Variants in SMIM35 observed in about 807,000 individuals in gnomAD.
The protein encoded by SMIM35 is small integral membrane protein 35.
At chr11:118,048,023 C>T (rs754358755) in intron 1 of SMIM35, among the ~76,000 whole-genome samples, 3 of 152,192 alleles carry the variant, frequency 2.0e-5, no homozygotes, top group Non-Finnish European at 4.4e-5. Flanking sequence ...CCCATCACTG[C>T]CCCCAGAGTG....
intron 1 of SMIM35, among the ~76,000 whole-genome samples, chr11:118,084,344 T>C (rs370590378): frequency 1.3e-5 from 2 of 152,198 alleles, no homozygotes; most frequent in African/African-American, 4.8e-5. Context: ...CATGAAGCAC[T>C]CGACGAGTTA....
intron 1 of SMIM35, among the ~76,000 whole-genome samples, chr11:118,051,216 T>C (rs1944207792): frequency 6.6e-6 from 1 of 152,230 alleles, no homozygotes; most frequent in East Asian, 1.9e-4. Context: ...TGTATTGTTC[T>C]CTGTGGATTT....
At chr11:118,020,142 G>T (rs4630330) in intron 1 of SMIM35, among the ~76,000 whole-genome samples, 14,573 of 152,040 alleles carry the variant, frequency 0.096, 963 homozygotes, top group East Asian at 0.37. Context: ...AGCGGGCAAA[G>T]GTAATCCCAG....
At chr11:118,060,195 A>G (rs1944374566) in intron 1 of SMIM35, among the ~76,000 whole-genome samples, 2 of 152,058 alleles carry the variant, frequency 1.3e-5, no homozygotes, top group South Asian at 4.1e-4. Context: ...TCCCCCACCC[A>G]TGTGGCCTGC....
chr11:118,066,369 C>T (rs1013327326), intron 1 of SMIM35, among the ~76,000 whole-genome samples: 4 of 152,048 alleles, frequency 2.6e-5, no homozygotes, highest in Admixed American at 2.6e-4. Context: ...GCATGAGTTC[C>T]CTACTATTCT....
At chr11:118,011,880 T>G (rs568021368) in intron 4 of SMIM35, among the ~76,000 whole-genome samples, 2 of 152,162 alleles carry the variant, frequency 1.3e-5, no homozygotes, top group African/African-American at 4.8e-5. Context: ...CACTCCCACT[T>G]ACTCAGGGGC....
chr11:118,067,698 G>T (rs1944499412), intron 1 of SMIM35, among the ~76,000 whole-genome samples: 1 of 151,172 alleles, frequency 6.6e-6, no homozygotes, highest in Admixed American at 6.6e-5. Flanking sequence ...AGCCAGGTGT[G>T]GTGGTGCGCC....
At chr11:118,047,202 C>A (rs1289203601) in intron 1 of SMIM35, among the ~76,000 whole-genome samples, 1 of 152,112 alleles carries the variant, frequency 6.6e-6, no homozygotes, top group Non-Finnish European at 1.5e-5. Flanking sequence ...TGTGCATCTG[C>A]GAGGGTCTAA....
chr11:118,027,171 G>A lies in SMIM35; in HGVS notation c.8-11362C>T, dbSNP rs1045901393. On this transcript the variant is annotated intron_variant, in intron 1 of 4. Transcript: ENST00000689828. ...GCCTCCCGAGTAGCTGGGACTACAG[G>A]CGCCCGCCACTGCGCCCGGCTAATT... Among the ~76,000 whole-genome samples, 26 of 143,998 alleles carry A rather than the reference G, an allele frequency of 1.8e-4. 3 individuals carry two copies. Among genetic ancestry groups the A allele is most frequent in the Non-Finnish European group, 1.4e-4 (9 of 66,512 alleles). The allele number at this position is 143,998 out of a possible 152,430, so 94.5% of individuals were successfully genotyped here. A position where few individuals can be genotyped will look rare whatever the true frequency, so the allele number is the denominator to read the frequency against.
At chr11:118,070,889 C>A (rs534905203) in intron 1 of SMIM35, among the ~76,000 whole-genome samples, 1 of 152,292 alleles carries the variant, frequency 6.6e-6, no homozygotes, top group East Asian at 1.9e-4. Context: ...ACGCAGGGCC[C>A]ACCATGCATG....
chr11:118,019,746 C>T (rs578061707), intron 1 of SMIM35, among the ~76,000 whole-genome samples: 5 of 151,776 alleles, frequency 3.3e-5, no homozygotes, highest in African/African-American at 1.2e-4. Flanking sequence ...CTTTAATCAA[C>T]CTGGAATTCA....
chr11:118,067,203 C>T (rs1464747888), intron 1 of SMIM35: 1 of 152,206 alleles, frequency 6.6e-6, no homozygotes, highest in East Asian at 1.9e-4. Context: ...AGTGCAGACA[C>T]GAGGCCAACC....
intron 1 of SMIM35, among the ~76,000 whole-genome samples, chr11:118,074,116 C>T (rs182375707): frequency 6.6e-6 from 1 of 152,286 alleles, no homozygotes. Flanking sequence ...AAGAAATATT[C>T]AGCAAAATTT....
At chr11:118,083,024 C>A (rs1945273619) in intron 1 of SMIM35, among the ~76,000 whole-genome samples, 1 of 152,118 alleles carries the variant, frequency 6.6e-6, no homozygotes, top group South Asian at 2.1e-4. Context: ...CTGTCCCCCA[C>A]CCCCGCCACT....
At chr11:118,033,499 T>A (rs1027090444) in intron 1 of SMIM35, among the ~76,000 whole-genome samples, 6 of 152,168 alleles carry the variant, frequency 3.9e-5, no homozygotes, top group Admixed American at 6.5e-5. Context: ...CTTCTCTGTA[T>A]AGTCAAGGGG....
At chr11:118,057,572 C>T (rs1272608516) in intron 1 of SMIM35, among the ~76,000 whole-genome samples, 1 of 152,090 alleles carries the variant, frequency 6.6e-6, no homozygotes, top group Non-Finnish European at 1.5e-5. Flanking sequence ...TTTTCAGCAC[C>T]CAGGTGCAGG....
chr11:118,034,080 C>T lies in SMIM35; in HGVS notation c.8-18271G>A, dbSNP rs968971653. ...GTCAGGAGTTCAAGACCAGCCTGAC[C>T]AACATGGTGAAACCCCATCTCTCCT... On this transcript the variant is annotated intron_variant, in intron 1 of 4. Transcript: ENST00000689828. 2.6e-5 allele frequency among the ~76,000 whole-genome samples: 4 copies of T among 151,856 alleles called. 1 individual carries two copies. Among genetic ancestry groups the T allele is most frequent in the Admixed American group, 2.6e-4 (4 of 15,234 alleles).
chr11:118,066,935 A>T lies in SMIM35; in HGVS notation c.7+19816T>A, dbSNP rs572834140. On this transcript the variant is annotated intron_variant, in intron 1 of 4. Coordinates refer to ENST00000689828, the MANE Select transcript of SMIM35 (RefSeq NM_001394165.1). Reference sequence around the variant, plus strand: ...ATTTTACACTCAAGATAGAAAGATAATGGGAGCCCCTTCCGAATAGGGGAG... The same window carrying T: ...ATTTTACACTCAAGATAGAAAGATATTGGGAGCCCCTTCCGAATAGGGGAG... Among the ~76,000 whole-genome samples, 3 of 152,228 alleles carry T rather than the reference A, an allele frequency of 2.0e-5. No individual in the cohort carries two copies. The South Asian group carries it at 6.2e-4, about 32-fold the overall frequency.
chr11:118,034,509 G>A (rs1235818033), intron 1 of SMIM35, among the ~76,000 whole-genome samples: 1 of 152,144 alleles, frequency 6.6e-6, no homozygotes, highest in Non-Finnish European at 1.5e-5. Flanking sequence ...GATAGCTTGA[G>A]CTCAGGAGTT....
Sources: gnomAD v4.1 joint callset for allele counts (sites outside exome capture counted in the v4.1 genomes callset) on GRCh38, gnomAD v4.1.1 for gene constraint, MANE v1.5 for transcripts, NCBI Gene and HGNC (gene_info 2026-07-23, HGNC 2026-07-21) for gene names.